Variants in PTGER3 observed in about 807,000 individuals in gnomAD.
PTGER3 encodes the protein prostaglandin E receptor 3, also known as prostaglandin E2 receptor EP3 subtype.
A neutral mutation model predicts 34.7 loss-of-function variants in PTGER3; 22 were observed. The ratio of observed to expected loss-of-function variants is 0.63; its 90% CI spans 0.45 to 0.91. The LOEUF (loss-of-function observed/expected upper bound fraction) is 0.91. PTGER3 is among the 40% of genes least tolerant of loss of function. The pLI, the probability that PTGER3 is intolerant of heterozygous loss-of-function variation, is 0.00. For missense variants in PTGER3, 468 were observed against 519.4 expected (o/e 0.90, Z 0.96); for synonymous variants, 241 against 230.1 (o/e 1.05, Z -0.43).
At chr1:70,984,548 T>C (rs1480806760) in intron 2 of PTGER3, among the ~76,000 whole-genome samples, 1 of 151,982 alleles carries the variant, frequency 6.6e-6, no homozygotes, top group Non-Finnish European at 1.5e-5. Flanking sequence ...GATCTGTCCC[T>C]ACCAAAAAAG....
intron 1 of PTGER3, among the ~76,000 whole-genome samples, chr1:71,017,582 TC>T (rs1371085250): frequency 1.3e-5 from 2 of 152,016 alleles, no homozygotes; most frequent in East Asian, 1.9e-4. Flanking sequence ...GGGGCAGACT[TC>T]CCCCTTGCTG....
At chr1:70,953,842 C>A in intron 2 of PTGER3, 3 of 857,384 alleles carry the variant, frequency 3.5e-6, no homozygotes, top group South Asian at 2.0e-5. Context: ...ATGCAAAGTT[C>A]CTAGAAGGAT....
chr1:70,957,639 G>A (rs979647555), intron 2 of PTGER3, among the ~76,000 whole-genome samples: 1 of 152,242 alleles, frequency 6.6e-6, no homozygotes, highest in South Asian at 2.1e-4. Context: ...TGTACATAGT[G>A]TAATGATCAA....
intron 1 of PTGER3, among the ~76,000 whole-genome samples, chr1:71,022,539 A>G (rs975379091): frequency 6.6e-6 from 1 of 151,896 alleles, no homozygotes; most frequent in Non-Finnish European, 1.5e-5. Flanking sequence ...TGTCAAAATG[A>G]CACTGCCTTT....
chr1:70,952,328 T>G (rs1377670941), downstream of PTGER3: 7 of 813,436 alleles, frequency 8.6e-6, no homozygotes, highest in Non-Finnish European at 1.0e-5. Flanking sequence ...GAACCCTGCC[T>G]TCCTTAAAGC....
intron 4 of PTGER3, among the ~76,000 whole-genome samples, chr1:70,896,707 G>A (rs1646728313): frequency 6.6e-6 from 1 of 152,040 alleles, no homozygotes; most frequent in African/African-American, 2.4e-5. Flanking sequence ...CCTTATCAGG[G>A]GTGGCTGCAA....
chr1:71,021,362 T>C (rs188010976), intron 1 of PTGER3, among the ~76,000 whole-genome samples: 4 of 152,274 alleles, frequency 2.6e-5, no homozygotes, highest in Admixed American at 1.3e-4. Context: ...AGATAAATGT[T>C]TATCTTTCTA....
intron 1 of PTGER3, among the ~76,000 whole-genome samples, chr1:71,041,174 T>G (rs139876551): frequency 6.6e-6 from 1 of 152,314 alleles, no homozygotes; most frequent in Non-Finnish European, 1.5e-5. Flanking sequence ...AGATCAAAGA[T>G]GCGTTTAATA....
chr1:70,874,091 TACAAACAA>T (rs981613906), intron 4 of PTGER3, among the ~76,000 whole-genome samples: 1 of 152,146 alleles, frequency 6.6e-6, no homozygotes, highest in African/African-American at 2.4e-5. Context: ...AAAACAAACA[TACAAACAA>T]ACAAACAAAC....
intron 4 of PTGER3, among the ~76,000 whole-genome samples, chr1:70,877,886 A>C (rs1646306611): frequency 6.6e-6 from 1 of 152,136 alleles, no homozygotes; most frequent in Non-Finnish European, 1.5e-5. Flanking sequence ...TATGTTCATC[A>C]AGGACACTGG....
At chr1:70,902,700 G>C (rs951819443) in intron 4 of PTGER3, among the ~76,000 whole-genome samples, 2 of 152,184 alleles carry the variant, frequency 1.3e-5, no homozygotes, top group Non-Finnish European at 2.9e-5. Context: ...AAGTACAACG[G>C]ATATTCAGAA....
At chr1:71,015,743 G>T (rs978520674) in intron 1 of PTGER3, among the ~76,000 whole-genome samples, 5 of 152,276 alleles carry the variant, frequency 3.3e-5, no homozygotes, top group African/African-American at 4.8e-5. Context: ...GGTAGAGCAG[G>T]TTAAGCAGAC....
chr1:71,030,728 G>A (rs1392568128), intron 1 of PTGER3, among the ~76,000 whole-genome samples: 1 of 152,098 alleles, frequency 6.6e-6, no homozygotes, highest in Non-Finnish European at 1.5e-5. Flanking sequence ...TTCAGAATAT[G>A]CTCCCTAGAT....
At chr1:70,927,673 T>C (rs1293805738) in intron 4 of PTGER3, among the ~76,000 whole-genome samples, 2 of 151,988 alleles carry the variant, frequency 1.3e-5, no homozygotes, top group Admixed American at 1.3e-4. Context: ...AAAAAGAGCA[T>C]ATCAAGTAAA....
chr1:70,954,180 G>A (rs1272899259), intron 2 of PTGER3, among the ~76,000 whole-genome samples: 2 of 152,144 alleles, frequency 1.3e-5, no homozygotes, highest in Non-Finnish European at 1.5e-5. Context: ...AAGGGCTAAA[G>A]CTCCAACTTA....
At chr1:70,955,199 T>A (rs749802175) in intron 2 of PTGER3, among the ~76,000 whole-genome samples, 15 of 152,270 alleles carry the variant, frequency 9.9e-5, no homozygotes, top group Admixed American at 4.6e-4. Context: ...CTTGAGGAAG[T>A]AAGTTAATTA....
chr1:71,035,781 T>C (rs935670476), intron 1 of PTGER3, among the ~76,000 whole-genome samples: 1 of 152,252 alleles, frequency 6.6e-6, no homozygotes, highest in Non-Finnish European at 1.5e-5. Flanking sequence ...TTACTCACTC[T>C]AATCCATCCA....
chr1:71,031,162 C>T (rs1659377139), intron 1 of PTGER3, among the ~76,000 whole-genome samples: 1 of 151,750 alleles, frequency 6.6e-6, no homozygotes. Context: ...AATAGAAGTC[C>T]TTTTATTTTT....
At chr1:70,962,948 A>G (rs538422282) in intron 2 of PTGER3, among the ~76,000 whole-genome samples, 20 of 152,346 alleles carry the variant, frequency 1.3e-4, no homozygotes, top group African/African-American at 4.8e-4. Context: ...CCTTGCCTGT[A>G]AAATCAAAAC....
Sources: allele counts gnomAD v4.1 joint callset (sites outside exome capture counted in the v4.1 genomes callset), GRCh38; gene constraint gnomAD v4.1.1; transcripts MANE v1.5; gene names NCBI Gene and HGNC (gene_info 2026-07-23, HGNC 2026-07-21).